KCND2: variants seen among roughly 807,000 people sequenced by gnomAD.
KCND2 encodes A-type voltage-gated potassium channel KCND2.
KCND2 carries 16 observed loss-of-function variants against 54.4 expected under a neutral mutation model. The ratio of observed to expected loss-of-function variants is 0.29; its 90% CI spans 0.20 to 0.45. KCND2 has a LOEUF of 0.45. KCND2 is among the 20% of genes least tolerant of loss of function. The probability of loss-of-function intolerance (pLI) is 1.00; values close to 1 mark genes in which losing one functional copy is unlikely to be tolerated. For synonymous variants in KCND2, 317 were observed against 310.7 expected (o/e 1.02, Z -0.21); for missense variants, 486 against 824.2 (o/e 0.59, Z 5.02).
At chr7:120,575,428 A>G (rs1792418851) in intron 1 of KCND2, among the ~76,000 whole-genome samples, 1 of 152,242 alleles carries the variant, frequency 6.6e-6, no homozygotes, top group Non-Finnish European at 1.5e-5. Flanking sequence ...CCACGTTCCT[A>G]TGCTTGCTTT....
intron 1 of KCND2, among the ~76,000 whole-genome samples, chr7:120,631,659 A>G (rs905158505): frequency 1.3e-5 from 2 of 152,140 alleles, no homozygotes; most frequent in Non-Finnish European, 2.9e-5. Context: ...CTGTCATTTG[A>G]ACTGCATATT....
Position 120,274,944 on chromosome 7 carries a change from C to T in KCND2, c.312C>T (p.Leu104=). 5 of 1,614,088 alleles carry T rather than the reference C, an allele frequency of 3.1e-6. No homozygotes were observed. Among genetic ancestry groups the T allele is most frequent in the Non-Finnish European group, 4.2e-6 (5 of 1,180,030 alleles). The change falls in exon 1 of 6, where the codon CTC becomes CTT. Residue 104 remains leucine (L), a synonymous_variant. Coordinates refer to ENST00000331113, the MANE Select transcript of KCND2 (RefSeq NM_012281.3). The part of the protein sequence containing the change: ...HILNFYRTGK[L]HYPRHECISA... ...TGAATTTCTACCGCACTGGGAAGCT[C>T]CACTATCCTCGCCACGAGTGCATCT...
At chr7:120,689,062 C>G (rs1306191893) in intron 1 of KCND2, among the ~76,000 whole-genome samples, 1 of 152,130 alleles carries the variant, frequency 6.6e-6, no homozygotes, top group South Asian at 2.1e-4. Flanking sequence ...CTTTAGAGAG[C>G]CTTATCATGG....
At chr7:120,573,291 C>T (rs1223427910) in intron 1 of KCND2, among the ~76,000 whole-genome samples, 1 of 152,132 alleles carries the variant, frequency 6.6e-6, no homozygotes, top group East Asian at 1.9e-4. Flanking sequence ...CAGACATTAA[C>T]AATCAGATTT....
chr7:120,530,454 C>A (rs1791829976), intron 1 of KCND2, among the ~76,000 whole-genome samples: 3 of 152,112 alleles, frequency 2.0e-5, no homozygotes, highest in African/African-American at 7.2e-5. Context: ...TATTACCCAC[C>A]ATCCTTCTTT....
At chr7:120,326,608 A>G (rs899317934) in intron 1 of KCND2, among the ~76,000 whole-genome samples, 1 of 152,140 alleles carries the variant, frequency 6.6e-6, no homozygotes, top group African/African-American at 2.4e-5. Context: ...AAAGTTGTGC[A>G]GATAATTATA....
At chr7:120,287,688 A>G (rs1799367336) in intron 1 of KCND2, among the ~76,000 whole-genome samples, 1 of 152,082 alleles carries the variant, frequency 6.6e-6, no homozygotes, top group Non-Finnish European at 1.5e-5. Flanking sequence ...TACTGTCTCT[A>G]CTAAAAATAC....
Position 120,368,025 on chromosome 7 carries a change from A to G in KCND2, c.1115+92278A>G, listed in dbSNP as rs542430560. ...CCGGCAAGCCGTAACCAGGAGTGTC[A>G]CATCTAAATGCCTGGACACACTGCT... On this transcript the variant is annotated intron_variant, in intron 1 of 5. Coordinates refer to ENST00000331113, the MANE Select transcript of KCND2 (RefSeq NM_012281.3). Among the ~76,000 whole-genome samples the G allele has an allele frequency of 2.6e-5, 4 of 152,246 alleles. No individual in the cohort carries two copies. The East Asian group carries it at 7.8e-4, about 30-fold the overall frequency.
At chr7:120,640,057 T>C (rs781481817) in intron 1 of KCND2, among the ~76,000 whole-genome samples, 1 of 152,222 alleles carries the variant, frequency 6.6e-6, no homozygotes, top group Non-Finnish European at 1.5e-5. Context: ...TTAATAACAT[T>C]GAATGCTTTC....
chr7:120,550,652 C>A (rs1275339297), intron 1 of KCND2, among the ~76,000 whole-genome samples: 1 of 152,174 alleles, frequency 6.6e-6, no homozygotes, highest in East Asian at 1.9e-4. Context: ...TTTGTATTCA[C>A]ACATGCTCTT....
intron 1 of KCND2, among the ~76,000 whole-genome samples, chr7:120,313,265 T>C (rs1369762017): frequency 1.3e-5 from 2 of 152,196 alleles, no homozygotes; most frequent in Non-Finnish European, 2.9e-5. Flanking sequence ...GAAATTTATC[T>C]TAAACAAATT....
chr7:120,727,086 A>G (rs901293311), intron 1 of KCND2, among the ~76,000 whole-genome samples: 1 of 152,216 alleles, frequency 6.6e-6, no homozygotes, highest in Non-Finnish European at 1.5e-5. Flanking sequence ...TTTGCCTCAT[A>G]TAACATTTGT....
intron 1 of KCND2, among the ~76,000 whole-genome samples, chr7:120,432,978 T>A (rs1248105268): frequency 1.3e-5 from 2 of 152,190 alleles, no homozygotes; most frequent in Non-Finnish European, 2.9e-5. Context: ...CTGACTTCCA[T>A]GGCCTTTTAC....
intron 1 of KCND2, among the ~76,000 whole-genome samples, chr7:120,568,623 T>G (rs1402285234): frequency 2.0e-5 from 3 of 152,122 alleles, no homozygotes; most frequent in Admixed American, 2.0e-4. Flanking sequence ...ACCTTGCCTT[T>G]GTGTTGGGAA....
chr7:120,349,391 A>G lies in KCND2; in HGVS notation c.1115+73644A>G, dbSNP rs531331004. On this transcript the variant is annotated intron_variant, in intron 1 of 5. Coordinates refer to ENST00000331113, the MANE Select transcript of KCND2 (RefSeq NM_012281.3). ...TTTCCTAGGGAATGTGAGCATTTTA[A>G]CAATGTCTTTCTGGAATTAATGCAC... is the stretch of plus-strand genomic sequence containing the variant. 5.3e-5 allele frequency among the ~76,000 whole-genome samples: 8 copies of G among 152,046 alleles called. No homozygotes were observed. In the South Asian group the frequency reaches 1.0e-3, roughly 20 times the overall value.
At chr7:120,584,819 A>G (rs187738261) in intron 1 of KCND2, among the ~76,000 whole-genome samples, 1 of 152,286 alleles carries the variant, frequency 6.6e-6, no homozygotes, top group Non-Finnish European at 1.5e-5. Flanking sequence ...TAAAGCAAAA[A>G]AAATCATAAA....
intron 1 of KCND2, among the ~76,000 whole-genome samples, chr7:120,667,419 T>C (rs1157019533): frequency 2.0e-5 from 3 of 152,032 alleles, no homozygotes; most frequent in Non-Finnish European, 4.4e-5. Context: ...CTGTTGTCTT[T>C]ATCTCATCTT....
At chr7:120,448,595 A>G (rs1256006114) in intron 1 of KCND2, among the ~76,000 whole-genome samples, 2 of 151,774 alleles carry the variant, frequency 1.3e-5, no homozygotes, top group African/African-American at 4.8e-5. Flanking sequence ...TCCTGATACC[A>G]AAGGCTGGCA....
intron 1 of KCND2, among the ~76,000 whole-genome samples, chr7:120,603,442 A>G (rs551164256): frequency 6.6e-6 from 1 of 152,274 alleles, no homozygotes; most frequent in Admixed American, 6.5e-5. Context: ...CTGAGCAGTA[A>G]ACAGAGATGG....
Sources: gnomAD v4.1 joint callset for allele counts (sites outside exome capture counted in the v4.1 genomes callset) on GRCh38, gnomAD v4.1.1 for gene constraint, MANE v1.5 for transcripts, NCBI Gene and HGNC (gene_info 2026-07-23, HGNC 2026-07-21) for gene names.